Variants in HSPA12A observed in about 807,000 individuals in gnomAD.
HSPA12A encodes heat shock protein family A (Hsp70) member 12A, also known as heat shock 70 kDa protein 12A.
HSPA12A carries 28 observed loss-of-function variants against 69.2 expected under a neutral mutation model. The ratio of observed to expected loss-of-function variants is 0.40; its 90% confidence interval spans 0.30 to 0.55. The LOEUF (loss-of-function observed/expected upper bound fraction) is 0.55, where lower values mean the gene tolerates loss of function less well. HSPA12A is among the 20% of genes least tolerant of loss of function. The probability of loss-of-function intolerance (pLI) is 0.38; values close to 1 mark genes in which losing one functional copy is unlikely to be tolerated. For missense variants in HSPA12A, 686 were observed against 900.7 expected (o/e 0.76, Z 3.05); for synonymous variants, 345 against 370.5 (o/e 0.93, Z 0.79).
chr10:116,813,332 G>A (rs1172951937), intron 2 of HSPA12A, among the ~76,000 whole-genome samples: 5 of 135,528 alleles, frequency 3.7e-5, no homozygotes, highest in East Asian at 2.3e-4. Flanking sequence ...TGCAAGCTCC[G>A]CCTCCCGGGT....
chr10:116,775,410 G>A (rs731762), intron 2 of HSPA12A, among the ~76,000 whole-genome samples: 26,276 of 152,166 alleles, frequency 0.17, 2,678 homozygotes, highest in East Asian at 0.23. Context: ...TGGGGAGGAC[G>A]GGGGCCAGCC....
rs1178009436 is a variant in HSPA12A, at chr10:116,759,876, T to C, written c.92-52591A>G. Among the ~76,000 whole-genome samples, 3 of 152,112 alleles carry C rather than the reference T, an allele frequency of 2.0e-5. No individual in the cohort carries two copies. In the East Asian group the frequency reaches 5.8e-4, roughly 29 times the overall value. ...GAATAAGTCTCATGAGATCTGATGG[T>C]TTAATAAAGAGGAGTTTCCCTGAAC... On this transcript the variant is annotated intron_variant, in intron 2 of 12. Coordinates refer to the HSPA12A transcript ENST00000635765.
At position 116,674,998 on chromosome 10, in the gene HSPA12A, C is replaced by G; in HGVS notation, c.1811G>C (p.Ser604Thr). 1 of 1,614,166 alleles carries G rather than the reference C, an allele frequency of 6.2e-7. No homozygotes were observed. Among genetic ancestry groups the G allele is most frequent in the Non-Finnish European group, 8.5e-7 (1 of 1,180,042 alleles). ...GAAGCTGACGTTGTCGTGCTCAGAG[C>G]TGTAGATGTTGATGACAATGACCAG... ...SQLVIVINIY[S>T]SEHDNVSFIT... is the part of the protein sequence containing the mutation. Residue 604 changes from serine to threonine, a missense_variant, in exon 12 of 12, where the codon AGC (serine) becomes ACC (threonine). Ser to Thr is a moderately conservative substitution (Grantham distance 58). Coordinates refer to ENST00000369209, the MANE Select transcript of HSPA12A (RefSeq NM_025015.3).
intron 1 of HSPA12A, among the ~76,000 whole-genome samples, chr10:116,728,804 G>A (rs1477240531): frequency 1.3e-5 from 2 of 152,338 alleles, no homozygotes; most frequent in East Asian, 3.9e-4. Flanking sequence ...CCAAAGGAAT[G>A]TGGCATCAAA....
intron 2 of HSPA12A, among the ~76,000 whole-genome samples, chr10:116,800,778 T>G (rs952028701): frequency 6.6e-6 from 1 of 152,222 alleles, no homozygotes; most frequent in African/African-American, 2.4e-5. Flanking sequence ...TACTAACCCC[T>G]TCTCCATTCA....
At chr10:116,761,179 G>C (rs1043603046) in intron 2 of HSPA12A, among the ~76,000 whole-genome samples, 2 of 152,048 alleles carry the variant, frequency 1.3e-5, no homozygotes, top group Non-Finnish European at 2.9e-5. Context: ...GTGAAACTCT[G>C]TCTCTACTAA....
In HSPA12A at chr10:116,742,537, C is replaced by T. The variant is rs1318639726; in HGVS notation, c.-68G>A. On this transcript the variant is annotated 5_prime_UTR_variant, in exon 1 of 12. Coordinates refer to ENST00000369209, the MANE Select transcript of HSPA12A (RefSeq NM_025015.3). ...GCCCGTGCCCGTGCGGGTCTCTGTC[C>T]GCGTCCGCGGCGGCGCTCGGGCCGT... The T allele has an allele frequency of 1.6e-5, 19 of 1,190,460 alleles. No individual in the cohort carries two copies. Among genetic ancestry groups the T allele is most frequent in the Non-Finnish European group, 2.0e-5 (19 of 961,342 alleles). The allele number at this position is 1,190,460 out of a possible 1,614,324, so 73.7% of individuals were successfully genotyped here.
intron 2 of HSPA12A, among the ~76,000 whole-genome samples, chr10:116,754,444 A>C (rs1395638118): frequency 1.3e-5 from 2 of 152,260 alleles, no homozygotes; most frequent in African/African-American, 4.8e-5. Context: ...GAAAAAAATC[A>C]AAATATTAAA....
intron 1 of HSPA12A, among the ~76,000 whole-genome samples, chr10:116,718,653 T>G (rs1459811924): frequency 6.6e-6 from 1 of 152,116 alleles, no homozygotes; most frequent in Non-Finnish European, 1.5e-5. Flanking sequence ...GTGTGCTATT[T>G]TCTTACCACA....
chr10:116,679,427 C>T, intron 10 of HSPA12A, 76 bp downstream of exon 10: 2 of 1,557,864 alleles, frequency 1.3e-6, no homozygotes, highest in Non-Finnish European at 1.7e-6. Flanking sequence ...CCGAAGTCCA[C>T]ACTTCGCTCC....
At chr10:116,684,768 G>A (rs1554879271) in intron 6 of HSPA12A, among the ~76,000 whole-genome samples, 1 of 152,202 alleles carries the variant, frequency 6.6e-6, no homozygotes, top group Non-Finnish European at 1.5e-5. Context: ...GTTCTCATCT[G>A]TGGCTTCCAT....
intron 2 of HSPA12A, among the ~76,000 whole-genome samples, chr10:116,748,149 C>G (rs1851691944): frequency 6.6e-6 from 1 of 152,210 alleles, no homozygotes; most frequent in Non-Finnish European, 1.5e-5. Flanking sequence ...CCCTTGTTGG[C>G]CTCTTCTGCA....
chr10:116,684,940 C>G (rs782111968), intron 6 of HSPA12A, among the ~76,000 whole-genome samples: 15 of 152,324 alleles, frequency 9.8e-5, no homozygotes, highest in African/African-American at 3.6e-4. Context: ...CATGGCTGGG[C>G]CTCTAACCAG....
At chr10:116,824,451 A>G (rs565289362) in intron 2 of HSPA12A, among the ~76,000 whole-genome samples, 1 of 152,232 alleles carries the variant, frequency 6.6e-6, no homozygotes, top group Non-Finnish European at 1.5e-5. Context: ...AAACTGGTCC[A>G]TATCAACATT....
At chr10:116,837,252 C>T (rs924679271) in intron 1 of HSPA12A, among the ~76,000 whole-genome samples, 10 of 152,260 alleles carry the variant, frequency 6.6e-5, no homozygotes, top group African/African-American at 9.6e-5. Flanking sequence ...CATTTTCCTC[C>T]GACAGGTGAA....
chr10:116,838,079 C>G (rs1291514629), intron 1 of HSPA12A, among the ~76,000 whole-genome samples: 1 of 152,126 alleles, frequency 6.6e-6, no homozygotes, highest in African/African-American at 2.4e-5. Flanking sequence ...TTTATATACT[C>G]TCATGGGAAA....
intron 5 of HSPA12A, among the ~76,000 whole-genome samples, chr10:116,693,304 T>C (rs1849789954): frequency 6.6e-6 from 1 of 152,182 alleles, no homozygotes; most frequent in African/African-American, 2.4e-5. Flanking sequence ...CTGAGGCCCA[T>C]GTTGATAAAG....
chr10:116,849,111 G>A (rs1158365374), intron 1 of HSPA12A, among the ~76,000 whole-genome samples: 1 of 152,196 alleles, frequency 6.6e-6, no homozygotes, highest in Non-Finnish European at 1.5e-5. Flanking sequence ...GCAACCCGGA[G>A]GAGCTCACTA....
At chr10:116,746,894 C>T (rs1322162959), upstream of HSPA12A, among the ~76,000 whole-genome samples, 1 of 152,162 alleles carries the variant, frequency 6.6e-6, no homozygotes, top group Non-Finnish European at 1.5e-5. Context: ...AGGACACTGC[C>T]CGTCAAAGCT....
Sources: allele counts gnomAD v4.1 joint callset (sites outside exome capture counted in the v4.1 genomes callset), GRCh38; gene constraint gnomAD v4.1.1; transcripts MANE v1.5; gene names NCBI Gene and HGNC (gene_info 2026-07-23, HGNC 2026-07-21).